TNIP1: variants seen among roughly 807,000 people sequenced by gnomAD.
The protein encoded by TNIP1 is TNFAIP3-interacting protein 1.
Under a neutral mutation model 86.6 loss-of-function variants are expected in TNIP1, and 22 were observed. The ratio of observed to expected loss-of-function variants is 0.25; its 90% CI spans 0.18 to 0.36. The LOEUF is 0.36. TNIP1 is among the 10% of genes least tolerant of loss of function. TNIP1 has a pLI of 1.00. For synonymous variants in TNIP1, 294 were observed against 313.0 expected (o/e 0.94, Z 0.64); for missense variants, 709 against 820.6 (o/e 0.86, Z 1.66).
In TNIP1 at chr5:151,052,180, G is replaced by A. The variant is rs1297555366; in HGVS notation, c.707C>T (p.Ala236Val). The A allele has an allele frequency of 6.2e-7, 1 of 1,613,880 alleles. No individual in the cohort carries two copies. ...CTGAACTTACCGCAGCCTCTCGGCA[G>A]CCTGATCCCGCTGTTCCAGGCCCTT... ...LDKGLEQRDQAAERLREENLE... is the reference protein window; with the variant it reads ...LDKGLEQRDQVAERLREENLE... Residue 236 changes from alanine (A) to valine (V), a missense_variant, in exon 7 of 18, where the codon GCT (alanine) becomes GTT (valine). By Grantham distance (64) the Ala-to-Val change is moderately conservative. Transcript: ENST00000521591.
intron 3 of TNIP1, among the ~76,000 whole-genome samples, chr5:151,062,581 C>T (rs2113695900): frequency 6.6e-6 from 1 of 152,326 alleles, no homozygotes; most frequent in East Asian, 1.9e-4. Flanking sequence ...TTTTAAAGGT[C>T]AGGACACTGA....
chr5:151,062,698 G>A (rs1177632268), intron 3 of TNIP1, among the ~76,000 whole-genome samples: 2 of 152,094 alleles, frequency 1.3e-5, no homozygotes, highest in African/African-American at 4.8e-5. Context: ...CTTGCTGCAG[G>A]GAGCTCCTTG....
chr5:151,068,096 T>C (rs1270847138), intron 1 of TNIP1, among the ~76,000 whole-genome samples: 1 of 152,150 alleles, frequency 6.6e-6, no homozygotes, highest in African/African-American at 2.4e-5. Context: ...GGGGCAGAGC[T>C]TGGGGAGAAA....
chr5:151,059,328 C>T (rs1000631725), intron 5 of TNIP1, among the ~76,000 whole-genome samples: 2 of 152,234 alleles, frequency 1.3e-5, no homozygotes, highest in African/African-American at 4.8e-5. Flanking sequence ...GGCGACAGAA[C>T]ATAAAGAGCC....
intron 4 of TNIP1, among the ~76,000 whole-genome samples, chr5:151,061,495 T>A (rs1224154301): frequency 6.6e-6 from 1 of 151,766 alleles, no homozygotes; most frequent in East Asian, 1.9e-4. Context: ...TTTTTTTTTT[T>A]ATGAGAGGGT....
intron 9 of TNIP1, 100 bp downstream of exon 9, chr5:151,045,761 C>G (rs1759073896): frequency 6.6e-6 from 8 of 1,212,900 alleles, no homozygotes; most frequent in African/African-American, 1.5e-5. Context: ...CTCATGGTGA[C>G]CTGGGACCTG....
chr5:151,081,647 C>T (rs1764036471), upstream of TNIP1, among the ~76,000 whole-genome samples: 1 of 152,204 alleles, frequency 6.6e-6, no homozygotes, highest in Non-Finnish European at 1.5e-5. Context: ...GCATTATTTT[C>T]TTCGCACAAT....
chr5:151,080,783 T>G (rs1273336599), intron 1 of TNIP1, 97 bp downstream of exon 1: 2 of 152,312 alleles, frequency 1.3e-5, no homozygotes, highest in Non-Finnish European at 2.9e-5. Flanking sequence ...ACAAGCCACC[T>G]TCCCCAGCTC....
At chr5:151,046,706 C>T (rs572071095) in intron 8 of TNIP1, among the ~76,000 whole-genome samples, 1 of 152,024 alleles carries the variant, frequency 6.6e-6, no homozygotes, top group Non-Finnish European at 1.5e-5. Context: ...AAGAGCATGT[C>T]AAAAGGGCAC....
rs745706780 is a variant in TNIP1, at chr5:151,045,914, C to A, written c.883G>T (p.Ala295Ser). The A allele has an allele frequency of 3.2e-5, 52 of 1,614,022 alleles. No homozygotes were observed. The highest frequency in any genetic ancestry group is 8.5e-7 in the Non-Finnish European group (1 of 1,180,044). The change falls in exon 9 of 18, where the codon GCC (alanine) becomes TCC (serine). Residue 295 changes from alanine (A) to serine (S), a missense_variant. Ala to Ser is a moderately conservative substitution (Grantham distance 99). Coordinates refer to ENST00000521591, the MANE Select transcript of TNIP1 (RefSeq NM_006058.5). ...ACCTTCTTCTCGGCTGCGCCCAAGG[C>A]CACCACCTCTGGGACCTTACCTGCC... ...VTAGKVPEVVALGAAEKKVKM... is the reference protein window; with the variant it reads ...VTAGKVPEVVSLGAAEKKVKM...
At chr5:151,067,087 C>T (rs1424754220) in intron 1 of TNIP1, among the ~76,000 whole-genome samples, 1 of 152,192 alleles carries the variant, frequency 6.6e-6, no homozygotes, top group African/African-American at 2.4e-5. Context: ...GCTGAGCCTG[C>T]GAGGCAAAGG....
intron 2 of TNIP1, 87 bp downstream of exon 2, chr5:151,064,873 A>T: frequency 6.3e-7 from 1 of 1,585,890 alleles, no homozygotes; most frequent in Non-Finnish European, 8.6e-7. Context: ...GGCATATGCC[A>T]GCTTCATTCT....
At chr5:151,059,814 AGAGAGAGAGAGAGAGTGTGTGT>A (rs1561512583) in intron 5 of TNIP1, among the ~76,000 whole-genome samples, 15 of 115,230 alleles carry the variant, frequency 1.3e-4, no homozygotes, top group African/African-American at 6.6e-4. Context: ...AGAGAGAGAG[AGAGAGAGAGAGAGAGTGTGTGT>A]GTGTGTGTGT....
intron 13 of TNIP1, 111 bp downstream of exon 13, chr5:151,036,679 A>C: frequency 6.5e-7 from 1 of 1,535,582 alleles, no homozygotes; most frequent in Non-Finnish European, 8.9e-7. Context: ...CAATGGCCAG[A>C]AAGTGGATTA....
At chr5:151,050,511 T>A (rs1350363414) in intron 7 of TNIP1, among the ~76,000 whole-genome samples, 2 of 152,270 alleles carry the variant, frequency 1.3e-5, no homozygotes, top group Non-Finnish European at 2.9e-5. Flanking sequence ...CTAGTTAAAG[T>A]TGCCTTTATA....
intron 5 of TNIP1, 40 bp from the exon 6 acceptor site, chr5:151,056,997 G>A: frequency 7.2e-7 from 1 of 1,383,088 alleles, no homozygotes; most frequent in Non-Finnish European, 9.4e-7. Context: ...CTTCACCAAG[G>A]CCTGAGTAGG....
intron 1 of TNIP1, among the ~76,000 whole-genome samples, chr5:151,065,654 T>C (rs10057690): frequency 0.16 from 24,745 of 152,210 alleles, 3,247 homozygotes; most frequent in African/African-American, 0.36. Context: ...TAAGTTAATT[T>C]AGTAATCTTT....
chr5:151,041,125 T>C (rs985254497), intron 11 of TNIP1, among the ~76,000 whole-genome samples: 50 of 151,536 alleles, frequency 3.3e-4, no homozygotes, highest in Non-Finnish European at 2.9e-4. Flanking sequence ...AGCTGGAGTG[T>C]AGTGACACAA....
intron 1 of TNIP1, among the ~76,000 whole-genome samples, chr5:151,071,645 G>T (rs905327226): frequency 6.6e-6 from 1 of 152,144 alleles, no homozygotes; most frequent in East Asian, 1.9e-4. Context: ...CTCCCCGAGG[G>T]CAGTCAGAGA....
Sources: gnomAD v4.1 joint callset for allele counts (sites outside exome capture counted in the v4.1 genomes callset) on GRCh38, gnomAD v4.1.1 for gene constraint, MANE v1.5 for transcripts, NCBI Gene and HGNC (gene_info 2026-07-23, HGNC 2026-07-21) for gene names.